UBR3: variants seen among roughly 807,000 people sequenced by gnomAD.
UBR3 encodes the protein E3 ubiquitin-protein ligase UBR3.
UBR3 carries 85 observed loss-of-function variants against 243.2 expected under a neutral mutation model. The ratio of observed to expected loss-of-function variants is 0.35; its 90% CI spans 0.29 to 0.42. The LOEUF (loss-of-function observed/expected upper bound fraction) is 0.42, where lower values mean the gene tolerates loss of function less well. Among genes scored for constraint, UBR3 ranks in the 10% least tolerant of loss-of-function variants. The pLI is 1.00. For synonymous variants in UBR3, 748 were observed against 799.8 expected (o/e 0.94, Z 1.09); for missense variants, 1,686 against 2,300.8 (o/e 0.73, Z 5.47).
intron 19 of UBR3, among the ~76,000 whole-genome samples, chr2:169,936,163 G>A (rs2086319705): frequency 6.6e-6 from 1 of 152,022 alleles, no homozygotes; most frequent in Non-Finnish European, 1.5e-5. Flanking sequence ...GGATTCAAGC[G>A]ATACATCCGC....
At chr2:170,015,387 A>C in intron 30 of UBR3, 21 bp downstream of exon 30, 1 of 1,564,758 alleles carries the variant, frequency 6.4e-7, no homozygotes, top group Non-Finnish European at 8.7e-7. Context: ...AATACTGCTA[A>C]ATTTAAAAAA....
chr2:170,056,466 A>G (rs1234071843), intron 33 of UBR3, among the ~76,000 whole-genome samples: 3 of 152,212 alleles, frequency 2.0e-5, no homozygotes, highest in Non-Finnish European at 4.4e-5. Flanking sequence ...GTAGCTTGAG[A>G]ACAAATGAGA....
intron 32 of UBR3, among the ~76,000 whole-genome samples, chr2:170,042,562 A>AC (rs2090993709): frequency 6.6e-6 from 1 of 151,726 alleles, no homozygotes; most frequent in South Asian, 2.1e-4. Context: ...GGTGGCATGC[A>AC]CCTGTAACCC....
intron 8 of UBR3, among the ~76,000 whole-genome samples, chr2:169,898,823 T>C (rs2084696833): frequency 5.9e-5 from 9 of 151,298 alleles, no homozygotes; most frequent in Admixed American, 5.3e-4. Flanking sequence ...TGCCTCAGCC[T>C]CCCGAGTAGC....
chr2:169,934,245 T>G lies in UBR3; in HGVS notation c.2663+1237T>G, dbSNP rs376716763. 1.8e-3 allele frequency among the ~76,000 whole-genome samples: 274 copies of G among 152,320 alleles called. 1 individual carries two copies. The highest frequency in any genetic ancestry group is 3.0e-3 in the Admixed American group (46 of 15,302). On this transcript the variant is annotated intron_variant, in intron 19 of 38. Transcript: ENST00000272793. ...GAAGCATTTGCATGGAAAACCTTAT[T>G]GAGACTTCATAAACACCAGTCTTAA...
At chr2:170,037,217 C>A (rs1375858140) in intron 31 of UBR3, among the ~76,000 whole-genome samples, 1 of 152,072 alleles carries the variant, frequency 6.6e-6, no homozygotes, top group Non-Finnish European at 1.5e-5. Flanking sequence ...AAGCCTGTTT[C>A]TCTGACAATA....
intron 23 of UBR3, among the ~76,000 whole-genome samples, chr2:169,957,350 G>A (rs1271733144): frequency 6.6e-6 from 1 of 151,728 alleles, no homozygotes; most frequent in East Asian, 1.9e-4. Flanking sequence ...AAGAAAATGT[G>A]GCACATATAC....
intron 8 of UBR3, among the ~76,000 whole-genome samples, chr2:169,899,904 TGGTCATTTG>T (rs145913968): frequency 0.043 from 6,616 of 152,282 alleles, 160 homozygotes; most frequent in Middle Eastern, 0.068. Flanking sequence ...CCATCATTGA[TGGTCATTTG>T]GGTTGGTTCC....
At chr2:169,846,709 C>CA (rs58234876) in intron 1 of UBR3, among the ~76,000 whole-genome samples, 19,758 of 114,548 alleles carry the variant, frequency 0.17, 1,826 homozygotes, top group East Asian at 0.47. Flanking sequence ...GACTCTGTCT[C>CA]AAAAAAAAAA....
chr2:169,876,843 C>T (rs533847769), intron 3 of UBR3, among the ~76,000 whole-genome samples: 73 of 152,284 alleles, frequency 4.8e-4, no homozygotes, highest in African/African-American at 1.7e-3. Context: ...AGATTACAGG[C>T]ATGAGCCACC....
chr2:169,849,215 A>G (rs984918594), intron 1 of UBR3, among the ~76,000 whole-genome samples: 2 of 152,184 alleles, frequency 1.3e-5, no homozygotes, highest in African/African-American at 4.8e-5. Context: ...AGGCCCAGTC[A>G]AGAGGGCCCT....
rs779550204 is a variant in UBR3 at position 169,949,937 on chromosome 2, A to T, written c.3417A>T (p.Leu1139Phe). ...GDGITAVERI[L>F]LKAASQSRMN... ...GTATAACTGCCGTGGAAAGAATTTTACTAAAAGCTGCATCGCAAAGTAGAA... is the reference window on the plus strand; with the variant it reads ...GTATAACTGCCGTGGAAAGAATTTTTCTAAAAGCTGCATCGCAAAGTAGAA... Residue 1139 changes from leucine (L) to phenylalanine (F), a missense_variant, in exon 23 of 39, where the codon TTA (leucine) becomes TTT (phenylalanine). Leu to Phe is a conservative substitution (Grantham distance 22). This residue lies in a region of UBR3 where 300 missense variants were observed against 314.4 expected (regional missense o/e 0.95). Coordinates refer to ENST00000272793, the MANE Select transcript of UBR3 (RefSeq NM_172070.4). 6.2e-7 allele frequency: 1 copy of T among 1,613,750 alleles called. No homozygotes were observed. The highest frequency in any genetic ancestry group is 1.1e-5 in the South Asian group (1 of 91,044).
intron 24 of UBR3, among the ~76,000 whole-genome samples, chr2:169,983,727 T>C (rs2088866641): frequency 6.6e-6 from 1 of 152,186 alleles, no homozygotes; most frequent in Non-Finnish European, 1.5e-5. Flanking sequence ...CTAAGTGTAA[T>C]AGCATTCAGA....
chr2:169,902,558 T>C (rs189427052), intron 8 of UBR3, among the ~76,000 whole-genome samples: 1 of 152,118 alleles, frequency 6.6e-6, no homozygotes, highest in East Asian at 1.9e-4. Context: ...TGGTTAATCC[T>C]AATTCCTGCT....
intron 2 of UBR3, among the ~76,000 whole-genome samples, chr2:169,873,777 C>T (rs932611138): frequency 6.6e-6 from 1 of 152,148 alleles, no homozygotes; most frequent in African/African-American, 2.4e-5. Context: ...AATGAAGGAA[C>T]CAGTTACTAG....
intron 7 of UBR3, among the ~76,000 whole-genome samples, chr2:169,895,808 G>T (rs2084562426): frequency 6.6e-6 from 1 of 152,104 alleles, no homozygotes; most frequent in South Asian, 2.1e-4. Flanking sequence ...GTCCCAGGGG[G>T]TCAGAACCCA....
intron 26 of UBR3, among the ~76,000 whole-genome samples, chr2:169,996,732 C>T (rs1258549742): frequency 6.5e-5 from 9 of 139,128 alleles, no homozygotes; most frequent in African/African-American, 1.4e-4. Context: ...CTCACTCCAT[C>T]GCCAGGCTAG....
intron 37 of UBR3, chr2:170,080,250 A>G (rs1183853049): frequency 5.2e-6 from 3 of 582,162 alleles, no homozygotes; most frequent in East Asian, 2.9e-5. Flanking sequence ...TTCATCTACT[A>G]TCCCTTTAAT....
chr2:169,905,050 A>G, intron 8 of UBR3, 64 bp from the exon 9 acceptor site: 3 of 1,335,618 alleles, frequency 2.2e-6, no homozygotes, highest in Non-Finnish European at 2.9e-6. Flanking sequence ...TATATTCTGT[A>G]TTATTGGTTA....
Sources: allele counts gnomAD v4.1 joint callset (sites outside exome capture counted in the v4.1 genomes callset), GRCh38; gene constraint gnomAD v4.1.1; regional missense constraint gnomAD v4.1.1; transcripts MANE v1.5; gene names NCBI Gene and HGNC (gene_info 2026-07-23, HGNC 2026-07-21).